The following STPG2 variants were observed in gnomAD, a reference collection of about 807,000 sequenced individuals.
STPG2 encodes the protein sperm tail PG-rich repeat containing 2, also known as sperm-tail PG-rich repeat-containing protein 2.
A neutral mutation model predicts 54.2 loss-of-function variants in STPG2; 56 were observed. That is an observed-to-expected ratio of 1.03 (90% CI 0.83 to 1.29). STPG2 has a LOEUF of 1.29. Ranked by LOEUF, STPG2 falls within the 50% of genes most tolerant of loss-of-function variation. STPG2 has a pLI of 0.00. For synonymous variants in STPG2, 200 were observed against 181.8 expected, an observed-to-expected ratio of 1.10 and a Z score of -0.81; for missense variants, 596 against 544.9, an observed-to-expected ratio of 1.09 and a Z score of -0.93.
chr4:97,658,082 A>T (rs537568042), intron 10 of STPG2, among the ~76,000 whole-genome samples: 1 of 152,316 alleles, frequency 6.6e-6, no homozygotes, highest in Admixed American at 6.5e-5. Flanking sequence ...TTTTTCTAAA[A>T]TGTCCAGATT....
chr4:97,932,993 A>C (rs1445085507), intron 8 of STPG2, among the ~76,000 whole-genome samples: 1 of 152,160 alleles, frequency 6.6e-6, no homozygotes, highest in Non-Finnish European at 1.5e-5. Flanking sequence ...AACAGCATAA[A>C]AGTGTTCCTA....
chr4:97,960,414 T>C (rs1733840670), intron 7 of STPG2, among the ~76,000 whole-genome samples: 1 of 152,144 alleles, frequency 6.6e-6, no homozygotes, highest in African/African-American at 2.4e-5. Context: ...AAACTGTCAC[T>C]GTTTGCTGAT....
intron 5 of STPG2, among the ~76,000 whole-genome samples, chr4:97,990,420 A>G (rs1439602001): frequency 1.3e-5 from 2 of 152,126 alleles, no homozygotes; most frequent in African/African-American, 2.4e-5. Context: ...GAGGAGACCA[A>G]CCCTCAAAGT....
At chr4:97,581,923 C>T (rs1375994403) in intron 10 of STPG2, among the ~76,000 whole-genome samples, 1 of 151,842 alleles carries the variant, frequency 6.6e-6, no homozygotes, top group African/African-American at 2.4e-5. Context: ...CATCTAGTAG[C>T]TCTAGGAATC....
intron 6 of STPG2, among the ~76,000 whole-genome samples, chr4:97,979,945 G>A (rs1734618778): frequency 1.3e-5 from 2 of 151,796 alleles, no homozygotes; most frequent in African/African-American, 4.8e-5. Context: ...GGATGGTCTC[G>A]ATCCCCTGAC....
At position 97,912,591 on chromosome 4, in the gene STPG2, A is replaced by T. The variant is rs571542571; in HGVS notation, c.1044+31306T>A. 3.3e-5 allele frequency among the ~76,000 whole-genome samples: 5 copies of T among 152,344 alleles called. No individual in the cohort carries two copies. The South Asian group carries it at 1.0e-3, about 32-fold the overall frequency. On this transcript the variant is annotated intron_variant, in intron 8 of 10. Transcript: ENST00000295268. ...TCAGAGCTTGAAGATGACCTTTCTG[A>T]AATGAGACAGGCAAACAAGAATAGA...
At chr4:97,815,959 C>A (rs555102582) in intron 9 of STPG2, among the ~76,000 whole-genome samples, 30 of 152,106 alleles carry the variant, frequency 2.0e-4, no homozygotes, top group African/African-American at 6.7e-4. Flanking sequence ...TATACATGTG[C>A]CATGGTGGTT....
intron 4 of STPG2, among the ~76,000 whole-genome samples, chr4:97,447,762 A>G (rs554385480): frequency 2.0e-5 from 3 of 152,332 alleles, no homozygotes; most frequent in African/African-American, 7.2e-5. Flanking sequence ...GCAGGGTCAG[A>G]GCCCTTTTAG....
At chr4:98,046,113 A>G (rs1737120711) in intron 5 of STPG2, among the ~76,000 whole-genome samples, 1 of 58,764 alleles carries the variant, frequency 1.7e-5, no homozygotes, top group Non-Finnish European at 3.8e-5. Flanking sequence ...AAATTCACTG[A>G]TCATTTCTTC....
rs995889125 is a variant in STPG2 at position 97,768,026 on chromosome 4, G to T, written c.1205-55212C>A. ...ACTAAAAACACAAAAAAATTAGCGGGCGTGGTGGCGGGCGTCTGTAGTCCC... is the reference window on the plus strand; with the variant it reads ...ACTAAAAACACAAAAAAATTAGCGGTCGTGGTGGCGGGCGTCTGTAGTCCC... On this transcript the variant is annotated intron_variant, in intron 9 of 10. Transcript: ENST00000295268. 9.2e-5 allele frequency among the ~76,000 whole-genome samples: 14 copies of T among 152,192 alleles called. No homozygotes were observed. In the East Asian group the frequency reaches 2.7e-3, roughly 30 times the overall value.
intron 10 of STPG2, among the ~76,000 whole-genome samples, chr4:97,669,534 C>A (rs1319410043): frequency 3.8e-5 from 1 of 26,408 alleles, no homozygotes; most frequent in East Asian, 8.2e-4. Flanking sequence ...CGGTGGCTCA[C>A]GCCTGTAATC....
intron 2 of STPG2, among the ~76,000 whole-genome samples, chr4:98,130,566 G>T (rs1243940369): frequency 6.6e-6 from 1 of 152,054 alleles, no homozygotes; most frequent in Non-Finnish European, 1.5e-5. Flanking sequence ...ATTAAAATAA[G>T]AAACCATTGA....
At chr4:97,533,354 T>C (rs975714892) in intron 4 of STPG2, among the ~76,000 whole-genome samples, 42 of 152,280 alleles carry the variant, frequency 2.8e-4, no homozygotes, top group African/African-American at 1.0e-3. Flanking sequence ...TCAAACTCCT[T>C]ATGGAATGAA....
chr4:97,451,071 G>T (rs563983292), intron 4 of STPG2, among the ~76,000 whole-genome samples: 32 of 152,192 alleles, frequency 2.1e-4, no homozygotes, highest in Admixed American at 9.2e-4. Flanking sequence ...AAATGTGCAG[G>T]TTATCTACAA....
intron 8 of STPG2, among the ~76,000 whole-genome samples, chr4:97,923,240 G>C (rs372212612): frequency 6.6e-6 from 1 of 152,186 alleles, no homozygotes; most frequent in African/African-American, 2.4e-5. Flanking sequence ...CTCAGCCTGC[G>C]GGGGGGTGTG....
intron 9 of STPG2, among the ~76,000 whole-genome samples, chr4:97,731,884 C>T (rs1724807256): frequency 6.6e-6 from 1 of 152,138 alleles, no homozygotes; most frequent in Admixed American, 6.5e-5. Context: ...GTCCTTTGGC[C>T]CCTTTGTCCT....
chr4:98,042,931 T>A (rs1191267082), intron 5 of STPG2, among the ~76,000 whole-genome samples: 1 of 151,904 alleles, frequency 6.6e-6, no homozygotes, highest in Non-Finnish European at 1.5e-5. Context: ...GTAAGAAGGG[T>A]ATTGAAGTGT....
chr4:97,866,771 T>C (rs1729797253), intron 8 of STPG2, among the ~76,000 whole-genome samples: 2 of 151,994 alleles, frequency 1.3e-5, no homozygotes, highest in Admixed American at 6.6e-5. Flanking sequence ...CTCAATAAGA[T>C]TTTTTGGTAT....
At chr4:97,890,694 CACAA>C (rs1329762007) in intron 8 of STPG2, among the ~76,000 whole-genome samples, 8 of 151,466 alleles carry the variant, frequency 5.3e-5, no homozygotes, top group Non-Finnish European at 7.4e-5. Context: ...TGGATTGTTC[CACAA>C]ACAAAGAAAG....
Sources: allele counts gnomAD v4.1 joint callset (sites outside exome capture counted in the v4.1 genomes callset), GRCh38; gene constraint gnomAD v4.1.1; transcripts MANE v1.5; gene names NCBI Gene and HGNC (gene_info 2026-07-23, HGNC 2026-07-21).